The following INPP4B variants were observed in gnomAD, a reference collection of about 807,000 sequenced individuals.
INPP4B encodes inositol polyphosphate 4-phosphatase type II.
Under a neutral mutation model 122.5 loss-of-function variants are expected in INPP4B, and 55 were observed. That is an observed-to-expected ratio of 0.45 (90% CI 0.36 to 0.56). The LOEUF is 0.56. Ranked by LOEUF, INPP4B falls within the 20% of genes least tolerant of loss-of-function variation. The pLI is 0.00. For synonymous variants in INPP4B, 403 were observed against 388.7 expected (o/e 1.04, Z -0.43); for missense variants, 1,000 against 1,097.7 (o/e 0.91, Z 1.26).
intron 7 of INPP4B, among the ~76,000 whole-genome samples, chr4:142,346,898 C>T (rs940374435): frequency 6.6e-6 from 1 of 151,978 alleles, no homozygotes; most frequent in African/African-American, 2.4e-5. Flanking sequence ...CACCAGCCAT[C>T]CTATTATTGA....
chr4:142,783,421 C>A (rs1248254559), intron 1 of INPP4B, among the ~76,000 whole-genome samples: 6 of 152,180 alleles, frequency 3.9e-5, no homozygotes, highest in Middle Eastern at 3.4e-3. Flanking sequence ...AAAATGCTAA[C>A]CTTTTTTAAA....
intron 15 of INPP4B, among the ~76,000 whole-genome samples, chr4:142,189,015 C>A (rs145622848): frequency 6.6e-6 from 1 of 152,274 alleles, no homozygotes; most frequent in Non-Finnish European, 1.5e-5. Flanking sequence ...TTATGGACAG[C>A]TTATTTGCCT....
At chr4:142,647,943 A>T (rs907958438) in intron 2 of INPP4B, among the ~76,000 whole-genome samples, 5 of 152,230 alleles carry the variant, frequency 3.3e-5, no homozygotes, top group African/African-American at 1.2e-4. Context: ...GACTGTGTAC[A>T]TGCACATTTC....
chr4:142,706,789 C>A (rs1336351527), intron 2 of INPP4B, among the ~76,000 whole-genome samples: 1 of 152,240 alleles, frequency 6.6e-6, no homozygotes, highest in Non-Finnish European at 1.5e-5. Context: ...AGGGGCTGAG[C>A]TTAAAGGAGA....
intron 12 of INPP4B, among the ~76,000 whole-genome samples, chr4:142,226,898 G>A (rs995974888): frequency 4.6e-5 from 7 of 152,202 alleles, no homozygotes; most frequent in African/African-American, 1.7e-4. Flanking sequence ...GCAGAGGGTA[G>A]TATTATGAAC....
At chr4:142,465,642 A>G (rs1940455607) in intron 2 of INPP4B, among the ~76,000 whole-genome samples, 2 of 151,946 alleles carry the variant, frequency 1.3e-5, no homozygotes, top group Non-Finnish European at 2.9e-5. Context: ...GTGGCCTTTG[A>G]TATGGGGTTT....
chr4:142,783,438 T>C (rs1775217015), intron 1 of INPP4B, among the ~76,000 whole-genome samples: 1 of 152,076 alleles, frequency 6.6e-6, no homozygotes. Flanking sequence ...TAAAGCAAGC[T>C]TATGTTAAAT....
chr4:142,405,159 AAGAGAGAG>A (rs3076598), intron 6 of INPP4B, 39 bp downstream of exon 6: 386 of 969,162 alleles, frequency 4.0e-4, no homozygotes, highest in African/African-American at 3.0e-3. Context: ...GCGAGCCAGC[AAGAGAGAG>A]AGAGAGAGAG....
At chr4:142,640,209 G>GA (rs1560904119) in intron 2 of INPP4B, among the ~76,000 whole-genome samples, 2 of 151,590 alleles carry the variant, frequency 1.3e-5, no homozygotes, top group Non-Finnish European at 1.5e-5. Flanking sequence ...AACTAATTTA[G>GA]AAACATAAAT....
At chr4:142,399,647 T>C (rs1800954500) in intron 7 of INPP4B, among the ~76,000 whole-genome samples, 1 of 152,232 alleles carries the variant, frequency 6.6e-6, no homozygotes. Flanking sequence ...AAAATTAGTA[T>C]ACATCCAGAA....
intron 16 of INPP4B, among the ~76,000 whole-genome samples, chr4:142,171,622 T>A (rs565369427): frequency 1.6e-4 from 24 of 152,024 alleles, no homozygotes; most frequent in Admixed American, 1.6e-3. Context: ...TATACAAAAC[T>A]GTTAACTTAG....
At chr4:142,387,543 T>C (rs192520363) in intron 7 of INPP4B, among the ~76,000 whole-genome samples, 59 of 151,552 alleles carry the variant, frequency 3.9e-4, no homozygotes, top group African/African-American at 1.4e-3. Context: ...TCCAAGGTTA[T>C]ATAGTGTGGC....
chr4:142,397,622 G>C (rs565796678), intron 7 of INPP4B, among the ~76,000 whole-genome samples: 3 of 152,112 alleles, frequency 2.0e-5, no homozygotes, highest in African/African-American at 7.2e-5. Flanking sequence ...GACGGATCAC[G>C]AGGTCAGGAG....
chr4:142,626,637 C>T (rs1004389607), intron 2 of INPP4B, among the ~76,000 whole-genome samples: 2 of 152,012 alleles, frequency 1.3e-5, no homozygotes, highest in Non-Finnish European at 2.9e-5. Flanking sequence ...ACCCCAGTTA[C>T]ACCACACCCA....
At chr4:142,424,172 C>A (rs1404949870) in intron 5 of INPP4B, among the ~76,000 whole-genome samples, 1 of 151,858 alleles carries the variant, frequency 6.6e-6, no homozygotes, top group Non-Finnish European at 1.5e-5. Flanking sequence ...GCCTCAGTGA[C>A]TACGCTTTCT....
At chr4:142,289,797 G>A (rs945218970) in intron 9 of INPP4B, among the ~76,000 whole-genome samples, 19 of 152,096 alleles carry the variant, frequency 1.2e-4, no homozygotes, top group Non-Finnish European at 2.2e-4. Flanking sequence ...CCTATTCAGC[G>A]ACAACTTCAT....
intron 7 of INPP4B, among the ~76,000 whole-genome samples, chr4:142,322,943 AAAG>A (rs1160179814): frequency 5.3e-5 from 8 of 152,338 alleles, no homozygotes; most frequent in African/African-American, 1.9e-4. Flanking sequence ...AAGTTAGAGT[AAAG>A]AACTATTGCT....
chr4:142,398,667 T>TA (rs532057655), intron 7 of INPP4B, among the ~76,000 whole-genome samples: 296 of 151,498 alleles, frequency 2.0e-3, no homozygotes, highest in African/African-American at 6.9e-3. Flanking sequence ...CAGAAAAACA[T>TA]AAAAAATGAA....
At chr4:142,377,271 CT>C (rs908530697) in intron 7 of INPP4B, among the ~76,000 whole-genome samples, 3 of 151,040 alleles carry the variant, frequency 2.0e-5, no homozygotes, top group Non-Finnish European at 4.4e-5. Flanking sequence ...TTTTGCTGAT[CT>C]TTTTTTTCTG....
Sources: gnomAD v4.1 joint callset for allele counts (sites outside exome capture counted in the v4.1 genomes callset) on GRCh38, gnomAD v4.1.1 for gene constraint, MANE v1.5 for transcripts, NCBI Gene and HGNC (gene_info 2026-07-23, HGNC 2026-07-21) for gene names.